TANGO6: variants seen among roughly 807,000 people sequenced by gnomAD.
TANGO6 encodes the protein transport and golgi organization 6 homolog, also known as transport and Golgi organization protein 6 homolog.
In TANGO6, 90 loss-of-function variants were observed where a neutral mutation model predicts 114.2. The ratio of observed to expected loss-of-function variants is 0.79; its 90% CI spans 0.66 to 0.94. The LOEUF (loss-of-function observed/expected upper bound fraction) is 0.94. Ranked by LOEUF, TANGO6 falls within the 40% of genes least tolerant of loss-of-function variation. TANGO6 has a pLI of 0.00. For missense variants in TANGO6, 1,274 were observed against 1,315.3 expected (o/e 0.97, Z 0.49); for synonymous variants, 477 against 509.8 (o/e 0.94, Z 0.87).
intron 15 of TANGO6, among the ~76,000 whole-genome samples, chr16:68,989,236 T>C (rs1056286269): frequency 6.6e-6 from 1 of 152,102 alleles, no homozygotes; most frequent in Non-Finnish European, 1.5e-5. Context: ...TTCTAGGACT[T>C]TACACATATA....
chr16:68,888,546 G>T (rs958980764), intron 7 of TANGO6, among the ~76,000 whole-genome samples: 2 of 152,162 alleles, frequency 1.3e-5, no homozygotes, highest in Non-Finnish European at 2.9e-5. Flanking sequence ...AAACTGGGAG[G>T]CACTTAAGTA....
intron 17 of TANGO6, among the ~76,000 whole-genome samples, chr16:69,074,176 A>G (rs1235405120): frequency 6.6e-6 from 1 of 152,112 alleles, no homozygotes; most frequent in African/African-American, 2.4e-5. Flanking sequence ...GGCTGACCGT[A>G]TAATATGTGG....
intron 17 of TANGO6, among the ~76,000 whole-genome samples, chr16:69,061,458 G>A (rs1319732638): frequency 1.3e-5 from 2 of 152,036 alleles, no homozygotes; most frequent in Non-Finnish European, 2.9e-5. Flanking sequence ...CAGCTACACA[G>A]GAGGCTGAAA....
chr16:68,846,143 A>G (rs138045846), intron 1 of TANGO6, among the ~76,000 whole-genome samples: 1,925 of 152,172 alleles, frequency 0.013, 36 homozygotes, highest in African/African-American at 0.042. Context: ...CTTCTACCTC[A>G]GCCTCCCGAG....
chr16:68,858,803 A>G (rs952578527), intron 1 of TANGO6, among the ~76,000 whole-genome samples: 1 of 152,158 alleles, frequency 6.6e-6, no homozygotes, highest in African/African-American at 2.4e-5. Context: ...TTCTGATATA[A>G]GCTTTACAGC....
intron 12 of TANGO6, among the ~76,000 whole-genome samples, chr16:68,921,118 CAAAAAAAAAA>C (rs374286269): frequency 1.8e-5 from 1 of 55,738 alleles, no homozygotes; most frequent in South Asian, 7.0e-4. Flanking sequence ...GACTCTGTCT[CAAAAAAAAAA>C]AAAAAAAAAA....
At chr16:69,042,777 T>C (rs1959793725) in intron 17 of TANGO6, among the ~76,000 whole-genome samples, 2 of 152,154 alleles carry the variant, frequency 1.3e-5, no homozygotes, top group Non-Finnish European at 2.9e-5. Flanking sequence ...AATCAGTGTT[T>C]TTCATCCATT....
rs367934750 is a variant in TANGO6 at position 69,083,693 on chromosome 16, A to G, written c.*32A>G. The stretch of plus-strand genomic sequence containing the variant: ...CTCCAAGGACGTGGAGGAGGCAGGC[A>G]GGGCCAGGCACCCAGAGCCGTGCCC... On this transcript the variant is annotated 3_prime_UTR_variant, in exon 18 of 18. Transcript: ENST00000261778. The G allele has an allele frequency of 9.7e-6, 15 of 1,543,998 alleles. No individual in the cohort carries two copies. The highest frequency in any genetic ancestry group is 4.1e-5 in the African/African-American group (3 of 72,954).
chr16:69,037,135 CAAAAAAAA>C (rs1232986110), intron 16 of TANGO6, among the ~76,000 whole-genome samples: 1 of 45,270 alleles, frequency 2.2e-5, no homozygotes, highest in Non-Finnish European at 4.5e-5. Flanking sequence ...GAGTCCATCT[CAAAAAAAA>C]AAAAAAAAAA....
At chr16:68,875,969 C>T (rs557937646) in intron 5 of TANGO6, among the ~76,000 whole-genome samples, 3 of 151,946 alleles carry the variant, frequency 2.0e-5, no homozygotes, top group South Asian at 2.1e-4. Flanking sequence ...AAGAGTAAAC[C>T]GAAAACTAAG....
At chr16:69,058,094 G>C (rs1960060532) in intron 17 of TANGO6, among the ~76,000 whole-genome samples, 1 of 152,136 alleles carries the variant, frequency 6.6e-6, no homozygotes, top group African/African-American at 2.4e-5. Flanking sequence ...TGATTATTCT[G>C]ATAATCAGAT....
At chr16:68,902,591 T>G in intron 9 of TANGO6, 87 bp downstream of exon 9, 1 of 1,275,812 alleles carries the variant, frequency 7.8e-7, no homozygotes, top group South Asian at 1.9e-5. Context: ...GGGGCGCTGA[T>G]AGAAAAGAAA....
chr16:69,046,915 G>A (rs1442555041), intron 17 of TANGO6, among the ~76,000 whole-genome samples: 5 of 151,802 alleles, frequency 3.3e-5, no homozygotes, highest in African/African-American at 9.7e-5. Context: ...GGTGGCTCAC[G>A]CCTGTAATCC....
intron 15 of TANGO6, among the ~76,000 whole-genome samples, chr16:68,980,268 G>A (rs903304905): frequency 1.7e-4 from 26 of 150,700 alleles, no homozygotes; most frequent in Middle Eastern, 3.4e-3. Flanking sequence ...TTGACACACA[G>A]AAGTTTTTAA....
intron 16 of TANGO6, among the ~76,000 whole-genome samples, chr16:69,032,845 C>A (rs1959619526): frequency 6.7e-6 from 1 of 149,974 alleles, no homozygotes; most frequent in South Asian, 2.1e-4. Context: ...CACTGTACTC[C>A]AGCCTGGGCA....
chr16:68,980,409 C>CTCTCTCTCTCTCTA (rs1408626276), intron 15 of TANGO6, among the ~76,000 whole-genome samples: 8 of 67,992 alleles, frequency 1.2e-4, no homozygotes, highest in Admixed American at 1.8e-4. Flanking sequence ...CTCTCTCTCT[C>CTCTCTCTCTCTCTA]TATATATATA....
chr16:68,906,264 A>G (rs1232898166), intron 9 of TANGO6, among the ~76,000 whole-genome samples: 1 of 152,200 alleles, frequency 6.6e-6, no homozygotes, highest in Non-Finnish European at 1.5e-5. Context: ...CTTGGTAATC[A>G]TGTTCAACCT....
intron 17 of TANGO6, among the ~76,000 whole-genome samples, chr16:69,050,959 A>G (rs142577112): frequency 0.015 from 2,210 of 151,904 alleles, 56 homozygotes; most frequent in South Asian, 0.1. Context: ...TGTCTGTTCA[A>G]TTTCTTTGCC....
At chr16:68,916,235 G>A (rs1963002751) in intron 11 of TANGO6, among the ~76,000 whole-genome samples, 2 of 152,116 alleles carry the variant, frequency 1.3e-5, no homozygotes, top group South Asian at 4.2e-4. Flanking sequence ...TTAGGAACCA[G>A]GCCGCATAAC....
Sources: gnomAD v4.1 joint callset for allele counts (sites outside exome capture counted in the v4.1 genomes callset) on GRCh38, gnomAD v4.1.1 for gene constraint, MANE v1.5 for transcripts, NCBI Gene and HGNC (gene_info 2026-07-23, HGNC 2026-07-21) for gene names.